CSMD1: variants seen among roughly 807,000 people sequenced by gnomAD.
CSMD1 encodes the protein CUB and Sushi multiple domains 1.
Under a neutral mutation model 417.5 loss-of-function variants are expected in CSMD1, and 213 were observed. That is an observed-to-expected ratio of 0.51 (90% confidence interval 0.46 to 0.57). CSMD1 has a LOEUF of 0.57. CSMD1 is among the 20% of genes least tolerant of loss of function. CSMD1 has a pLI of 0.00. For missense variants in CSMD1, 6,923 were observed against 4,529.7 expected, an observed-to-expected ratio of 1.53 and a Z score of -15.17; for synonymous variants, 2,862 against 1,736.8, an observed-to-expected ratio of 1.65 and a Z score of -16.11.
intron 1 of CSMD1, among the ~76,000 whole-genome samples, chr8:4,782,881 G>A (rs1248133624): frequency 1.3e-5 from 2 of 150,594 alleles, no homozygotes; most frequent in South Asian, 4.2e-4. Context: ...GCTTTATGAT[G>A]TACATGTTTT....
chr8:3,235,911 T>C (rs948463135), intron 26 of CSMD1, among the ~76,000 whole-genome samples: 4 of 138,690 alleles, frequency 2.9e-5, no homozygotes, highest in African/African-American at 1.1e-4. Context: ...TATATGAAGA[T>C]GTAAGTTTTT....
At chr8:4,052,792 C>G (rs971636109) in intron 3 of CSMD1, among the ~76,000 whole-genome samples, 3 of 152,088 alleles carry the variant, frequency 2.0e-5, no homozygotes, top group Non-Finnish European at 1.5e-5. Flanking sequence ...TCCTGGAACC[C>G]ACTTCCAGAT....
At chr8:3,332,989 AG>A (rs1259832742) in intron 23 of CSMD1, among the ~76,000 whole-genome samples, 1 of 152,210 alleles carries the variant, frequency 6.6e-6, no homozygotes. Context: ...CCCTTGAAAG[AG>A]GGTCTGGCCT....
intron 2 of CSMD1, among the ~76,000 whole-genome samples, chr8:4,586,276 G>C (rs1322900502): frequency 1.3e-5 from 2 of 152,052 alleles, no homozygotes; most frequent in Non-Finnish European, 2.9e-5. Flanking sequence ...CTGTATTTTA[G>C]TACCCATCAG....
chr8:4,083,653 A>G (rs1030725874), intron 3 of CSMD1, among the ~76,000 whole-genome samples: 3 of 152,142 alleles, frequency 2.0e-5, no homozygotes, highest in Admixed American at 6.6e-5. Context: ...GAAAGCTGAA[A>G]CTGGATCCCT....
intron 6 of CSMD1, among the ~76,000 whole-genome samples, chr8:3,722,726 T>A (rs1217169288): frequency 2.6e-5 from 4 of 152,202 alleles, no homozygotes; most frequent in Non-Finnish European, 5.9e-5. Context: ...AAGCGAAAAC[T>A]CTTGTCGTTA....
intron 5 of CSMD1, among the ~76,000 whole-genome samples, chr8:3,873,574 G>C (rs1009262637): frequency 6.6e-6 from 1 of 152,052 alleles, no homozygotes; most frequent in Non-Finnish European, 1.5e-5. Context: ...TGGGAGGAGG[G>C]AGAGCATCAG....
At chr8:4,811,451 C>T (rs192005059) in intron 1 of CSMD1, among the ~76,000 whole-genome samples, 40 of 151,794 alleles carry the variant, frequency 2.6e-4, no homozygotes, top group African/African-American at 9.4e-4. Flanking sequence ...TATTTTTGTT[C>T]TAGAAGAATA....
At chr8:4,388,481 T>G (rs919200663) in intron 3 of CSMD1, among the ~76,000 whole-genome samples, 10 of 150,852 alleles carry the variant, frequency 6.6e-5, no homozygotes, top group African/African-American at 2.2e-4. Context: ...ATGTTCTCAC[T>G]GATATGTGGG....
At chr8:4,702,328 G>T (rs1033760752) in intron 1 of CSMD1, among the ~76,000 whole-genome samples, 1 of 152,152 alleles carries the variant, frequency 6.6e-6, no homozygotes. Flanking sequence ...CCTCTGACTG[G>T]ATTAGGAATC....
At chr8:4,256,785 G>C (rs1803488122) in intron 3 of CSMD1, among the ~76,000 whole-genome samples, 1 of 152,192 alleles carries the variant, frequency 6.6e-6, no homozygotes, top group Non-Finnish European at 1.5e-5. Context: ...GCTTGCAACA[G>C]GGCCAAGCAG....
intron 7 of CSMD1, among the ~76,000 whole-genome samples, chr8:3,653,827 A>G (rs577691999): frequency 6.6e-6 from 1 of 152,166 alleles, no homozygotes; most frequent in African/African-American, 2.4e-5. Flanking sequence ...TATTTGATAG[A>G]TTTAAATATA....
At chr8:4,229,065 T>C (rs1167278919) in intron 3 of CSMD1, among the ~76,000 whole-genome samples, 1 of 152,194 alleles carries the variant, frequency 6.6e-6, no homozygotes, top group African/African-American at 2.4e-5. Flanking sequence ...CAGACTAAGC[T>C]TTCCCAAACC....
intron 2 of CSMD1, among the ~76,000 whole-genome samples, chr8:4,541,490 G>C (rs568176707): frequency 6.6e-6 from 1 of 152,248 alleles, no homozygotes; most frequent in East Asian, 1.9e-4. Flanking sequence ...GCTCACACCT[G>C]TAATCCCCAC....
At chr8:4,148,031 T>C (rs749908834) in intron 3 of CSMD1, among the ~76,000 whole-genome samples, 6 of 152,094 alleles carry the variant, frequency 3.9e-5, no homozygotes, top group Non-Finnish European at 8.8e-5. Context: ...CCATAGTCTG[T>C]TCTATGACCT....
intron 3 of CSMD1, among the ~76,000 whole-genome samples, chr8:4,381,094 T>G (rs1252701681): frequency 6.6e-6 from 1 of 152,170 alleles, no homozygotes; most frequent in Non-Finnish European, 1.5e-5. Flanking sequence ...AATTGTGGTT[T>G]TAGCCATTAC....
chr8:3,623,464 T>C (rs1370776612), intron 7 of CSMD1, among the ~76,000 whole-genome samples: 1 of 152,150 alleles, frequency 6.6e-6, no homozygotes, highest in Non-Finnish European at 1.5e-5. Context: ...AACAAATCAA[T>C]TAGTGGAGAT....
At chr8:3,367,355 A>T in intron 19 of CSMD1, 108 bp from the exon 20 acceptor site, 1 of 698,136 alleles carries the variant, frequency 1.4e-6, no homozygotes, top group Admixed American at 2.4e-5. Flanking sequence ...GAGATGACAG[A>T]GATGGAGAGG....
intron 3 of CSMD1, among the ~76,000 whole-genome samples, chr8:4,104,193 G>C (rs1025352568): frequency 2.6e-5 from 4 of 152,212 alleles, no homozygotes; most frequent in Non-Finnish European, 4.4e-5. Context: ...TCATTCTCTA[G>C]GGTCATAGTG....
Sources: gnomAD v4.1 joint callset for allele counts (sites outside exome capture counted in the v4.1 genomes callset) on GRCh38, gnomAD v4.1.1 for gene constraint, MANE v1.5 for transcripts, NCBI Gene and HGNC (gene_info 2026-07-23, HGNC 2026-07-21) for gene names.